Variants in SLC44A5 observed in about 807,000 individuals in gnomAD.
The protein encoded by SLC44A5 is solute carrier family 44 member 5.
SLC44A5 carries 57 observed loss-of-function variants against 101.8 expected under a neutral mutation model. That is an observed-to-expected ratio of 0.56 (90% CI 0.45 to 0.70). The LOEUF is 0.70. SLC44A5 is among the 30% of genes least tolerant of loss of function. The pLI, the probability that SLC44A5 is intolerant of heterozygous loss-of-function variation, is 0.00. For missense variants in SLC44A5, 737 were observed against 853.1 expected, an observed-to-expected ratio of 0.86 and a Z score of 1.70; for synonymous variants, 281 against 290.9, an observed-to-expected ratio of 0.97 and a Z score of 0.35.
At chr1:75,258,515 C>A (rs1487077267) in intron 6 of SLC44A5, among the ~76,000 whole-genome samples, 1 of 152,090 alleles carries the variant, frequency 6.6e-6, no homozygotes, top group African/African-American at 2.4e-5. Flanking sequence ...GAAAAAAAGG[C>A]AGCAGCCCCA....
intron 1 of SLC44A5, chr1:75,582,409 G>A: frequency 1.4e-6 from 1 of 731,022 alleles, no homozygotes. Context: ...CCAAGCTTGG[G>A]AAGCATGATC....
chr1:75,582,764 T>A (rs77733375), intron 1 of SLC44A5, among the ~76,000 whole-genome samples: 2,472 of 152,348 alleles, frequency 0.016, 74 homozygotes, highest in African/African-American at 0.057. Flanking sequence ...CTTATTTAAA[T>A]GAAGCCTTTC....
At chr1:75,611,529 C>A (rs188478866), upstream of SLC44A5, among the ~76,000 whole-genome samples, 6 of 152,270 alleles carry the variant, frequency 3.9e-5, no homozygotes, top group African/African-American at 1.4e-4. Context: ...CTACCTCCAA[C>A]AAACAGCAGT....
chr1:75,286,052 G>A (rs772638268), intron 5 of SLC44A5, among the ~76,000 whole-genome samples: 21 of 151,940 alleles, frequency 1.4e-4, no homozygotes, highest in African/African-American at 4.1e-4. Flanking sequence ...GACCTGTTTC[G>A]TGCTGTCAGT....
intron 2 of SLC44A5, among the ~76,000 whole-genome samples, chr1:75,415,994 T>C (rs988781941): frequency 2.0e-5 from 3 of 152,128 alleles, no homozygotes; most frequent in African/African-American, 4.8e-5. Context: ...AGCCTGACAA[T>C]GCAATAGAAA....
chr1:75,227,829 G>A lies in SLC44A5; in HGVS notation c.882C>T (p.Thr294=), dbSNP rs998755525. The A allele has an allele frequency of 1.3e-6, 2 of 1,593,270 alleles. No homozygotes were observed. The highest frequency in any genetic ancestry group is 1.9e-5 in the Admixed American group (1 of 54,038). Reference sequence around the variant, plus strand: ...CAGAACTTGGGCGTTCCTGAAGATTGGTGTACTGCTGGTAACAGTGCCATA... The same window carrying A: ...CAGAACTTGGGCGTTCCTGAAGATTAGTGTACTGCTGGTAACAGTGCCATA... ...YGIWHCYQQY[T]NLQERPSSVL... is the part of the protein sequence containing the mutation. The change falls in exon 13 of 24, where the codon ACC becomes ACT. Residue 294 remains threonine (T), a synonymous_variant. Coordinates refer to ENST00000370859, the MANE Select transcript of SLC44A5 (RefSeq NM_001130058.2).
intron 2 of SLC44A5, among the ~76,000 whole-genome samples, chr1:75,434,927 C>T (rs915155341): frequency 6.6e-6 from 1 of 152,116 alleles, no homozygotes; most frequent in African/African-American, 2.4e-5. Context: ...TTCCACATGG[C>T]CCACACTGTG....
At position 75,324,992 on chromosome 1, in the gene SLC44A5, C is replaced by G. The variant is rs527317762; in HGVS notation, c.101+14590G>C. ...CATTTATTATATACCAGGTCTTGTA[C>G]TAGGGGATGAGGATCTAGAAACAAA... On this transcript the variant is annotated intron_variant, in intron 4 of 23. Transcript: ENST00000370859. 2.0e-5 allele frequency among the ~76,000 whole-genome samples: 3 copies of G among 152,206 alleles called. No homozygotes were observed. The South Asian group carries it at 6.2e-4, about 32-fold the overall frequency.
chr1:75,588,127 C>G (rs1262010180), intron 1 of SLC44A5, among the ~76,000 whole-genome samples: 1 of 151,704 alleles, frequency 6.6e-6, no homozygotes, highest in Non-Finnish European at 1.5e-5. Flanking sequence ...AGCCCTGTTG[C>G]TGTAAGACAA....
intron 1 of SLC44A5, among the ~76,000 whole-genome samples, chr1:75,573,127 CAAAAAAAAAAAAAAA>C (rs745593621): frequency 6.0e-5 from 1 of 16,688 alleles, no homozygotes; most frequent in Non-Finnish European, 1.0e-4. Flanking sequence ...GGCTCCATCT[CAAAAAAAAAAAAAAA>C]AAAAAAAAAA....
At chr1:75,615,816 A>G, upstream of SLC44A5, 1 of 970,330 alleles carries the variant, frequency 1.0e-6, no homozygotes, top group South Asian at 4.7e-5. Context: ...CGGGTGAGAG[A>G]GGGGAGGCGG....
intron 2 of SLC44A5, among the ~76,000 whole-genome samples, chr1:75,512,919 T>C (rs757665597): frequency 6.6e-5 from 10 of 152,230 alleles, no homozygotes; most frequent in African/African-American, 1.4e-4. Flanking sequence ...TTATTACTAA[T>C]TTACTTGGGC....
chr1:75,680,210 GA>G, the SLC44A5 span, among the ~76,000 whole-genome samples: 1 of 151,798 alleles, frequency 6.6e-6, no homozygotes, highest in East Asian at 1.9e-4. Flanking sequence ...CAACGAGACA[GA>G]AAGTCAACAA....
At chr1:75,632,445 A>G in the SLC44A5 span, among the ~76,000 whole-genome samples, 2 of 152,058 alleles carry the variant, frequency 1.3e-5, no homozygotes, top group African/African-American at 4.8e-5. Context: ...GATCATCCTG[A>G]AATGTTAGAG....
chr1:75,350,078 C>CCA (rs1303009434), intron 3 of SLC44A5, among the ~76,000 whole-genome samples: 18 of 152,150 alleles, frequency 1.2e-4, no homozygotes, highest in African/African-American at 4.3e-4. Flanking sequence ...TGAAGTCCTA[C>CCA]CGCGCCCCCC....
rs143419623 is a variant in SLC44A5, at chr1:75,463,651, G to A, written c.14-67030C>T. Among the ~76,000 whole-genome samples the A allele has an allele frequency of 3.2e-4, 49 of 152,108 alleles. 3 individuals carry two copies. The East Asian group carries it at 9.3e-3, about 29-fold the overall frequency. On this transcript the variant is annotated intron_variant, in intron 2 of 23. Coordinates refer to ENST00000370859, the MANE Select transcript of SLC44A5 (RefSeq NM_001130058.2). ...TAAAGGAGAAATAAAGACTTCCCCAGACAAACAAAAGCTGAGGGATTTCAT... is the reference window on the plus strand; with the variant it reads ...TAAAGGAGAAATAAAGACTTCCCCAAACAAACAAAAGCTGAGGGATTTCAT...
intron 2 of SLC44A5, among the ~76,000 whole-genome samples, chr1:75,505,608 T>C (rs2101853072): frequency 6.6e-6 from 1 of 152,284 alleles, no homozygotes; most frequent in Non-Finnish European, 1.5e-5. Flanking sequence ...TGATTAACGG[T>C]ATGGAGCATT....
In SLC44A5 at chr1:75,599,182, G is replaced by A. The variant is rs76400086; in HGVS notation, c.-70+11858C>T. Among the ~76,000 whole-genome samples, 491 of 152,172 alleles carry A rather than the reference G, an allele frequency of 3.2e-3. 1 individual carries two copies. Among genetic ancestry groups the A allele is most frequent in the African/African-American group, 0.011 (467 of 41,544 alleles). ...CATTTTGGATTAAAGGATAAATTGCGCACAATCAAAATGCTCGCATTGCTC... is the reference window on the plus strand; with the variant it reads ...CATTTTGGATTAAAGGATAAATTGCACACAATCAAAATGCTCGCATTGCTC... On this transcript the variant is annotated intron_variant, in intron 1 of 23. Transcript: ENST00000370859.
chr1:75,449,295 G>C (rs1665761459), intron 2 of SLC44A5, among the ~76,000 whole-genome samples: 1 of 152,180 alleles, frequency 6.6e-6, no homozygotes, highest in South Asian at 2.1e-4. Context: ...CTGGGTGCTT[G>C]TCTCCTTCCA....
Sources: allele counts gnomAD v4.1 joint callset (sites outside exome capture counted in the v4.1 genomes callset), GRCh38; gene constraint gnomAD v4.1.1; transcripts MANE v1.5; gene names NCBI Gene and HGNC (gene_info 2026-07-23, HGNC 2026-07-21).